The following RSRC1 variants were observed in gnomAD, a reference collection of about 807,000 sequenced individuals.
RSRC1 encodes the protein serine/Arginine-related protein 53.
RSRC1 carries 39 observed loss-of-function variants against 49.1 expected under a neutral mutation model. That is an observed-to-expected ratio of 0.79 (90% CI 0.61 to 1.04). The LOEUF (loss-of-function observed/expected upper bound fraction) is 1.04, where lower values mean the gene tolerates loss of function less well. Among genes scored for constraint, RSRC1 ranks in the 50% least tolerant of loss-of-function variants. RSRC1 has a pLI of 0.00. For synonymous variants in RSRC1, 143 were observed against 130.8 expected, an observed-to-expected ratio of 1.09 and a Z score of -0.63; for missense variants, 388 against 402.4, an observed-to-expected ratio of 0.96 and a Z score of 0.31.
At chr3:158,210,169 A>C (rs1216221621) in intron 4 of RSRC1, among the ~76,000 whole-genome samples, 1 of 152,068 alleles carries the variant, frequency 6.6e-6, no homozygotes, top group Non-Finnish European at 1.5e-5. Flanking sequence ...TAGGTTATAG[A>C]GTTCTGTGGT....
intron 3 of RSRC1, among the ~76,000 whole-genome samples, chr3:158,179,785 A>T (rs969710381): frequency 6.6e-6 from 1 of 152,176 alleles, no homozygotes; most frequent in African/African-American, 2.4e-5. Flanking sequence ...TAGTAGTTAC[A>T]TGTTTCATTT....
At chr3:158,459,153 T>C (rs1737491761) in intron 6 of RSRC1, among the ~76,000 whole-genome samples, 3 of 152,150 alleles carry the variant, frequency 2.0e-5, no homozygotes. Context: ...AGCTCTTGAT[T>C]GACAGTTTGA....
chr3:158,256,410 C>G (rs1724563318), intron 4 of RSRC1, among the ~76,000 whole-genome samples: 1 of 152,128 alleles, frequency 6.6e-6, no homozygotes, highest in Admixed American at 6.5e-5. Context: ...GAGATGAAGC[C>G]TACTTGATCG....
chr3:158,251,705 T>C (rs1029103399), intron 4 of RSRC1, among the ~76,000 whole-genome samples: 1 of 152,232 alleles, frequency 6.6e-6, no homozygotes, highest in Non-Finnish European at 1.5e-5. Flanking sequence ...TCAGTTATTA[T>C]AGTTTTTTGG....
chr3:158,428,085 G>A (rs986171201), intron 6 of RSRC1, among the ~76,000 whole-genome samples: 1 of 151,660 alleles, frequency 6.6e-6, no homozygotes, highest in Non-Finnish European at 1.5e-5. Context: ...TATATTTTAA[G>A]TCTTACTTCC....
At chr3:158,210,799 A>G (rs1299516927) in intron 4 of RSRC1, among the ~76,000 whole-genome samples, 1 of 152,098 alleles carries the variant, frequency 6.6e-6, no homozygotes, top group East Asian at 1.9e-4. Context: ...AGCAGGAGAC[A>G]AGGATTTCCT....
chr3:158,122,871 T>C (rs553821316), intron 2 of RSRC1, among the ~76,000 whole-genome samples: 1 of 152,298 alleles, frequency 6.6e-6, no homozygotes, highest in East Asian at 1.9e-4. Context: ...AGAATGATGG[T>C]TTCCAGCTTC....
At chr3:158,488,157 A>G (rs1443112532) in intron 7 of RSRC1, among the ~76,000 whole-genome samples, 2 of 152,050 alleles carry the variant, frequency 1.3e-5, no homozygotes, top group African/African-American at 4.8e-5. Flanking sequence ...AAGGTTTACA[A>G]CTATCCTAGA....
At chr3:158,242,494 A>G (rs143599539) in intron 4 of RSRC1, among the ~76,000 whole-genome samples, 1 of 152,172 alleles carries the variant, frequency 6.6e-6, no homozygotes, top group African/African-American at 2.4e-5. Context: ...GCTATTGTGA[A>G]TAATGCTGTA....
intron 7 of RSRC1, among the ~76,000 whole-genome samples, chr3:158,531,972 A>G (rs1197606568): frequency 1.3e-5 from 2 of 150,708 alleles, no homozygotes. Flanking sequence ...AGCACTTAAA[A>G]ATACTTTACA....
At chr3:158,446,637 A>C (rs971988094) in intron 6 of RSRC1, among the ~76,000 whole-genome samples, 7 of 152,054 alleles carry the variant, frequency 4.6e-5, no homozygotes, top group Non-Finnish European at 1.0e-4. Flanking sequence ...ACTTGTTTGT[A>C]TTCAGTTGTT....
intron 5 of RSRC1, among the ~76,000 whole-genome samples, chr3:158,343,324 T>C (rs554835164): frequency 2.6e-4 from 40 of 152,298 alleles, no homozygotes; most frequent in African/African-American, 9.6e-4. Context: ...TTTAACTGTG[T>C]CCTAGAACAA....
intron 3 of RSRC1, among the ~76,000 whole-genome samples, chr3:158,158,793 G>T (rs1417122862): frequency 6.6e-6 from 1 of 151,978 alleles, no homozygotes; most frequent in Non-Finnish European, 1.5e-5. Flanking sequence ...TACAAAAATT[G>T]CCAGGCCTGG....
At chr3:158,281,443 A>G (rs2108076887) in intron 4 of RSRC1, among the ~76,000 whole-genome samples, 1 of 152,148 alleles carries the variant, frequency 6.6e-6, no homozygotes, top group Admixed American at 6.5e-5. Flanking sequence ...GTTGCTATTA[A>G]TGCTGTGTGT....
At chr3:158,362,096 TAGG>T (rs1441269921) in intron 6 of RSRC1, among the ~76,000 whole-genome samples, 3 of 152,166 alleles carry the variant, frequency 2.0e-5, no homozygotes, top group African/African-American at 7.2e-5. Flanking sequence ...CCCAGCACTG[TAGG>T]AGGCCAAGAT....
chr3:158,395,356 C>G (rs974461411), intron 6 of RSRC1, among the ~76,000 whole-genome samples: 3 of 152,106 alleles, frequency 2.0e-5, no homozygotes, highest in Non-Finnish European at 4.4e-5. Flanking sequence ...GAAAGAGCTT[C>G]TGCATAGCAA....
rs939514886 is a variant in RSRC1 at position 158,443,085 on chromosome 3, A to T, written c.584-17850A>T. 2.0e-5 allele frequency among the ~76,000 whole-genome samples: 3 copies of T among 152,274 alleles called. No individual in the cohort carries two copies. In the South Asian group the frequency reaches 6.2e-4, roughly 32 times the overall value. ...CCAAGCTTTGTTGTTCCATTTATAGAGCACAGGCAGAGTAGATTTAGCATC... is the reference window on the plus strand; with the variant it reads ...CCAAGCTTTGTTGTTCCATTTATAGTGCACAGGCAGAGTAGATTTAGCATC... On this transcript the variant is annotated intron_variant, in intron 6 of 9. Coordinates refer to ENST00000611884, the MANE Select transcript of RSRC1 (RefSeq NM_001271838.2).
chr3:158,441,250 A>T (rs1283178955), intron 6 of RSRC1, among the ~76,000 whole-genome samples: 1 of 152,158 alleles, frequency 6.6e-6, no homozygotes, highest in Non-Finnish European at 1.5e-5. Flanking sequence ...TGAGTCATAT[A>T]TTAAGCATCT....
intron 6 of RSRC1, among the ~76,000 whole-genome samples, chr3:158,414,063 G>T (rs1338454986): frequency 6.6e-6 from 1 of 152,108 alleles, no homozygotes; most frequent in African/African-American, 2.4e-5. Context: ...TATACCCAAA[G>T]GAATATAAAT....
Sources: gnomAD v4.1 joint callset for allele counts (sites outside exome capture counted in the v4.1 genomes callset) on GRCh38, gnomAD v4.1.1 for gene constraint, MANE v1.5 for transcripts, NCBI Gene and HGNC (gene_info 2026-07-23, HGNC 2026-07-21) for gene names.